SMAD1: variants seen among roughly 807,000 people sequenced by gnomAD.
The protein encoded by SMAD1 is MAD, mothers against decapentaplegic homolog 1.
A neutral mutation model predicts 41.6 loss-of-function variants in SMAD1; 6 were observed. That is an observed-to-expected ratio of 0.14 (90% CI 0.08 to 0.28). The LOEUF (loss-of-function observed/expected upper bound fraction) is 0.28. Among genes scored for constraint, SMAD1 ranks in the 10% least tolerant of loss-of-function variants. The pLI is 1.00. For missense variants in SMAD1, 379 were observed against 582.6 expected (o/e 0.65, Z 3.60); for synonymous variants, 206 against 203.2 (o/e 1.01, Z -0.12).
intron 1 of SMAD1, among the ~76,000 whole-genome samples, chr4:145,509,828 G>A (rs539932651): frequency 6.6e-6 from 1 of 152,234 alleles, no homozygotes; most frequent in African/African-American, 2.4e-5. Flanking sequence ...TAGTAAATTT[G>A]GGTGAACTCT....
chr4:145,529,539 C>T (rs1297402917), intron 2 of SMAD1, among the ~76,000 whole-genome samples: 1 of 152,158 alleles, frequency 6.6e-6, no homozygotes, highest in Non-Finnish European at 1.5e-5. Context: ...TATCTTGATC[C>T]CAAGCCAGTG....
At chr4:145,548,833 C>T (rs754406236) in intron 5 of SMAD1, among the ~76,000 whole-genome samples, 28 of 152,064 alleles carry the variant, frequency 1.8e-4, no homozygotes, top group African/African-American at 5.1e-4. Flanking sequence ...GTGGAGAAAC[C>T]GTATCATTTG....
intron 5 of SMAD1, among the ~76,000 whole-genome samples, chr4:145,553,068 T>C (rs2126553113): frequency 7.3e-6 from 1 of 136,906 alleles, no homozygotes; most frequent in Admixed American, 7.3e-5. Context: ...TATGCCTGGC[T>C]AATTTTTTGT....
intron 1 of SMAD1, chr4:145,498,181 G>A (rs1265801247): frequency 6.6e-6 from 1 of 152,164 alleles, no homozygotes; most frequent in Non-Finnish European, 1.5e-5. Context: ...TATTTGAACA[G>A]TTAATAAAAA....
Position 145,514,725 on chromosome 4 carries a change from G to T in SMAD1, c.112G>T (p.Val38Leu). 1 of 1,614,156 alleles carries T rather than the reference G, an allele frequency of 6.2e-7. No individual in the cohort carries two copies. Among genetic ancestry groups the T allele is most frequent in the African/African-American group, 1.3e-5 (1 of 75,038 alleles). Residue 38 changes from valine (V) to leucine (L), a missense_variant, in exon 2 of 7, where the codon GTG becomes TTG. Transcript: ENST00000302085. The surrounding 1 kb of genome is among the most constrained non-coding windows in gnomAD (Gnocchi z 4.7). Reference protein sequence around the residue: ...KWAEKAVDALVKKLKKKKGAM... With the variant: ...KWAEKAVDALLKKLKKKKGAM... Reference sequence around the variant, plus strand: ...GGCAGAGAAAGCTGTTGATGCTTTGGTGAAAAAACTGAAGAAAAAGAAAGG... The same window carrying T: ...GGCAGAGAAAGCTGTTGATGCTTTGTTGAAAAAACTGAAGAAAAAGAAAGG...
At chr4:145,533,828 A>G (rs934170611) in intron 2 of SMAD1, among the ~76,000 whole-genome samples, 49 of 152,378 alleles carry the variant, frequency 3.2e-4, no homozygotes, top group African/African-American at 1.2e-3. Flanking sequence ...CTCATTGAAA[A>G]TAGCAACAAC....
chr4:145,493,316 A>G (rs555214128), intron 1 of SMAD1, among the ~76,000 whole-genome samples: 1 of 152,226 alleles, frequency 6.6e-6, no homozygotes, highest in Non-Finnish European at 1.5e-5. Flanking sequence ...TTGCTGTAGA[A>G]ATTATACAGC....
intron 2 of SMAD1, among the ~76,000 whole-genome samples, chr4:145,523,335 T>C (rs1730855841): frequency 6.6e-6 from 1 of 152,206 alleles, no homozygotes; most frequent in African/African-American, 2.4e-5. Flanking sequence ...AAAAGCTTGC[T>C]CACTCTGACA....
At chr4:145,499,592 G>T (rs758077339) in intron 1 of SMAD1, among the ~76,000 whole-genome samples, 1 of 152,126 alleles carries the variant, frequency 6.6e-6, no homozygotes, top group Non-Finnish European at 1.5e-5. Flanking sequence ...TCCAGCGTGG[G>T]CAACAGAGCA....
intron 5 of SMAD1, among the ~76,000 whole-genome samples, chr4:145,550,229 T>C (rs1201843416): frequency 2.6e-5 from 4 of 152,174 alleles, no homozygotes; most frequent in East Asian, 1.9e-4. Context: ...TCCATTGATA[T>C]ATTTCACCAA....
intron 1 of SMAD1, among the ~76,000 whole-genome samples, chr4:145,496,098 C>A (rs537891594): frequency 6.7e-4 from 102 of 151,734 alleles, no homozygotes; most frequent in Non-Finnish European, 1.8e-4. Flanking sequence ...TTTGTCACTG[C>A]TGCCTTGATA....
At chr4:145,490,242 C>T (rs1290360121) in intron 1 of SMAD1, among the ~76,000 whole-genome samples, 2 of 151,974 alleles carry the variant, frequency 1.3e-5, no homozygotes, top group Admixed American at 6.6e-5. Flanking sequence ...AAATGTTGAC[C>T]GTGGTAAGGA....
chr4:145,515,384 A>C lies in SMAD1; in HGVS notation c.400+371A>C, dbSNP rs140977641. On this transcript the variant is annotated intron_variant, in intron 2 of 6. Transcript: ENST00000302085. ...TGCATTTCTCTAGATAAAATTAGCT[A>C]TGAATTGTATTCTAAGGGAAGAAAA... is the stretch of plus-strand genomic sequence containing the variant. Among the ~76,000 whole-genome samples the C allele has an allele frequency of 4.9e-3, 742 of 152,312 alleles. 11 individuals carry two copies. Among genetic ancestry groups the C allele is most frequent in the African/African-American group, 0.017 (690 of 41,560 alleles).
chr4:145,549,968 A>G (rs1439954932), intron 5 of SMAD1, among the ~76,000 whole-genome samples: 2 of 152,198 alleles, frequency 1.3e-5, no homozygotes, highest in African/African-American at 4.8e-5. Flanking sequence ...GTTAAACTCT[A>G]AAGATGACTC....
intron 1 of SMAD1, among the ~76,000 whole-genome samples, chr4:145,509,749 G>C (rs2126383043): frequency 6.6e-6 from 1 of 152,250 alleles, no homozygotes; most frequent in Non-Finnish European, 1.5e-5. Flanking sequence ...TGTGACTTTT[G>C]ATAATAGCAT....
At chr4:145,503,764 G>C (rs562549647) in intron 1 of SMAD1, 2 of 152,236 alleles carry the variant, frequency 1.3e-5, no homozygotes, top group African/African-American at 4.8e-5. Flanking sequence ...TGTCTGCTTG[G>C]GTTTTCTCTG....
intron 4 of SMAD1, among the ~76,000 whole-genome samples, chr4:145,542,971 A>T (rs1378809145): frequency 4.0e-5 from 6 of 149,786 alleles, no homozygotes; most frequent in South Asian, 2.1e-4. Flanking sequence ...GATGATGAAA[A>T]TTTTTTTTTT....
chr4:145,485,922 G>A (rs995953793), intron 1 of SMAD1, among the ~76,000 whole-genome samples: 3 of 152,198 alleles, frequency 2.0e-5, no homozygotes, highest in Admixed American at 1.3e-4. Flanking sequence ...AGGACAGAAT[G>A]ATTCAGTATC....
At position 145,482,052 on chromosome 4, in the gene SMAD1, G is replaced by C. The variant is rs1372658913; in HGVS notation, c.-177+14G>C. ...GCCGCCAACCCGGTAAAACGAAACA[G>C]ACCCGAACCGAACTTTCCCTTCATG... On this transcript the variant is annotated intron_variant, in intron 1 of 6. Transcript: ENST00000302085. This position sits in a 1 kb window ranked among gnomAD's most constrained non-coding sequence, Gnocchi z 4.2. 2 of 152,084 alleles carry C rather than the reference G, an allele frequency of 1.3e-5. No homozygotes were observed. The highest frequency in any genetic ancestry group is 4.8e-5 in the African/African-American group (2 of 41,394). 9.4% of individuals were successfully genotyped at this position (152,084 alleles called of 1,614,324 possible). A position where few individuals can be genotyped will look rare whatever the true frequency, so the allele number is the denominator to read the frequency against.
Sources: gnomAD v4.1 joint callset for allele counts (sites outside exome capture counted in the v4.1 genomes callset) on GRCh38, gnomAD v4.1.1 for gene constraint, Gnocchi (gnomAD v3.1) non-coding constraint, MANE v1.5 for transcripts, NCBI Gene and HGNC (gene_info 2026-07-23, HGNC 2026-07-21) for gene names.